The following TXLNB variants were observed in gnomAD, a reference collection of about 807,000 sequenced individuals.
TXLNB encodes taxilin beta, also known as beta-taxilin.
In TXLNB, 37 loss-of-function variants were observed where a neutral mutation model predicts 57.4. That is an observed-to-expected ratio of 0.64 (90% CI 0.50 to 0.85). The LOEUF (loss-of-function observed/expected upper bound fraction) is 0.85, where lower values mean the gene tolerates loss of function less well. TXLNB is among the 40% of genes least tolerant of loss of function. TXLNB has a pLI of 0.00. For missense variants in TXLNB, 848 were observed against 825.6 expected, an observed-to-expected ratio of 1.03 and a Z score of -0.33; for synonymous variants, 302 against 309.6, an observed-to-expected ratio of 0.98 and a Z score of 0.26.
the TXLNB span, among the ~76,000 whole-genome samples, chr6:139,165,801 CAG>C: frequency 1.4e-5 from 1 of 71,548 alleles, no homozygotes; most frequent in Non-Finnish European, 2.7e-5. Context: ...GCTGTTTGCA[CAG>C]TGTGGGACAT....
Position 139,241,903 on chromosome 6 carries a change from T to G in TXLNB, c.*623A>C, listed in dbSNP as rs1775942772. 2.0e-5 allele frequency: 3 copies of G among 152,294 alleles called. No homozygotes were observed. Among genetic ancestry groups the G allele is most frequent in the Middle Eastern group, 3.4e-3 (1 of 294 alleles). The allele number at this position is 152,294 out of a possible 1,614,324, so 9.4% of individuals were successfully genotyped here. ...GCAAGTAAGAGATCATTTTTTTGAT[T>G]AGCATCTAAATATTCTGCATTGAGA... On this transcript the variant is annotated 3_prime_UTR_variant, in exon 10 of 10. Coordinates refer to ENST00000358430, the MANE Select transcript of TXLNB (RefSeq NM_153235.4).
intron 2 of TXLNB, among the ~76,000 whole-genome samples, chr6:139,285,604 C>A (rs968174133): frequency 6.9e-6 from 1 of 144,862 alleles, no homozygotes; most frequent in East Asian, 2.0e-4. Context: ...TTAATTTTAT[C>A]CTAGTTGGGT....
At chr6:139,218,970 G>A in the TXLNB span, among the ~76,000 whole-genome samples, 1 of 152,072 alleles carries the variant, frequency 6.6e-6, no homozygotes, top group Non-Finnish European at 1.5e-5. Flanking sequence ...TTTGTCAATT[G>A]TGGAATACTG....
At chr6:139,310,236 G>A in the TXLNB span, among the ~76,000 whole-genome samples, 1 of 152,094 alleles carries the variant, frequency 6.6e-6, no homozygotes, top group African/African-American at 2.4e-5. Flanking sequence ...GTCTGATGAG[G>A]GCTTAATATC....
At chr6:139,190,378 C>T in the TXLNB span, among the ~76,000 whole-genome samples, 4 of 143,416 alleles carry the variant, frequency 2.8e-5, no homozygotes, top group Admixed American at 3.0e-4. Flanking sequence ...GGCACGATCT[C>T]AGCTCACTGT....
the TXLNB span, chr6:139,183,196 C>T: frequency 6.6e-6 from 1 of 152,166 alleles, no homozygotes; most frequent in African/African-American, 2.4e-5. Flanking sequence ...TAAGTAAGTT[C>T]ATATAGTTAA....
In TXLNB at chr6:139,285,257, AACACACACACACACACACACAC is replaced by A. The variant is rs57409101; in HGVS notation, c.424+3197_424+3218del. Among the ~76,000 whole-genome samples the A allele has an allele frequency of 9.2e-5, 11 of 120,074 alleles. 1 individual carries two copies. In the South Asian group the frequency reaches 1.3e-3, roughly 14 times the overall value. 78.8% of individuals were successfully genotyped at this position (120,074 alleles called of 152,430 possible). On this transcript the variant is annotated intron_variant, in intron 2 of 9. Transcript: ENST00000358430. ...CTATTTTCTTCATATCTTTCCCCTC[AACACACACACACACACACACAC>A]ACACACACACACACACACACACACA...
chr6:139,309,688 G>A, the TXLNB span, among the ~76,000 whole-genome samples: 14 of 152,154 alleles, frequency 9.2e-5, no homozygotes, highest in African/African-American at 3.4e-4. Flanking sequence ...ACTTTTGGAA[G>A]CCAAGGAGGG....
chr6:139,187,237 T>G, the TXLNB span, among the ~76,000 whole-genome samples: 1 of 152,230 alleles, frequency 6.6e-6, no homozygotes, highest in African/African-American at 2.4e-5. Flanking sequence ...CACTTTCATT[T>G]GACAGATTTG....
At chr6:139,192,840 G>A in the TXLNB span, among the ~76,000 whole-genome samples, 1 of 152,096 alleles carries the variant, frequency 6.6e-6, no homozygotes, top group East Asian at 1.9e-4. Context: ...GCACACGCCT[G>A]TATTCCCAGC....
At chr6:139,159,953 G>T in the TXLNB span, among the ~76,000 whole-genome samples, 1 of 152,196 alleles carries the variant, frequency 6.6e-6, no homozygotes, top group Non-Finnish European at 1.5e-5. Flanking sequence ...CTCAGTGAAT[G>T]AGGTTGTCAG....
intron 2 of TXLNB, chr6:139,277,166 A>G (rs977860294): frequency 2.7e-6 from 1 of 375,446 alleles, no homozygotes; most frequent in Middle Eastern, 6.9e-4. Context: ...AATGTTTGCT[A>G]TAACAGAAGT....
At chr6:139,301,794 C>T in the TXLNB span, among the ~76,000 whole-genome samples, 1 of 152,116 alleles carries the variant, frequency 6.6e-6, no homozygotes, top group Admixed American at 6.5e-5. Flanking sequence ...CCCCCCTGAC[C>T]ATAGTACATA....
chr6:139,199,397 C>G, the TXLNB span, among the ~76,000 whole-genome samples: 18,942 of 152,196 alleles, frequency 0.12, 1,458 homozygotes, highest in East Asian at 0.22. Context: ...TGTTATTGAA[C>G]ATTTCTTGAG....
the TXLNB span, among the ~76,000 whole-genome samples, chr6:139,218,680 A>T: frequency 6.6e-6 from 1 of 152,110 alleles, no homozygotes; most frequent in South Asian, 2.1e-4. Context: ...TGAACCTGGG[A>T]GGTGGAGGTT....
chr6:139,310,997 T>C, the TXLNB span, among the ~76,000 whole-genome samples: 5,694 of 152,302 alleles, frequency 0.037, 365 homozygotes, highest in African/African-American at 0.13. Context: ...GCCCAGCCCA[T>C]TCTGTTTCAA....
At chr6:139,247,527 GTCT>G (rs1393335846) in intron 8 of TXLNB, among the ~76,000 whole-genome samples, 7 of 139,134 alleles carry the variant, frequency 5.0e-5, no homozygotes, top group East Asian at 4.2e-4. Context: ...GCTAGCTCTG[GTCT>G]TCTTTTTTTT....
At chr6:139,176,943 C>G in the TXLNB span, 1 of 870,168 alleles carries the variant, frequency 1.1e-6, no homozygotes, top group Non-Finnish European at 2.0e-6. The surrounding 1 kb of genome is among the most constrained non-coding windows in gnomAD (Gnocchi z 4.5). Context: ...TCCCCCAGGC[C>G]CGCCTGAACT....
rs368528629 is a variant in TXLNB at position 139,242,675 on chromosome 6, C to A, written c.1906G>T (p.Ala636Ser). Residue 636 changes from alanine to serine, a missense_variant, in exon 10 of 10, where the codon GCA becomes TCA. By Grantham distance (99) the Ala-to-Ser change is moderately conservative. Coordinates refer to ENST00000358430, the MANE Select transcript of TXLNB (RefSeq NM_153235.4). ...MEADVPAPACAAEEHVAAMVP... is the reference protein window; with the variant it reads ...MEADVPAPACSAEEHVAAMVP... ...ATGGCTGCAACGTGCTCTTCTGCTG[C>A]GCATGCTGGAGCAGGCACATCTGCC... 6.2e-7 allele frequency: 1 copy of A among 1,611,202 alleles called. No individual in the cohort carries two copies. The highest frequency in any genetic ancestry group is 1.3e-5 in the African/African-American group (1 of 74,766).
Sources: gnomAD v4.1 joint callset for allele counts (sites outside exome capture counted in the v4.1 genomes callset) on GRCh38, gnomAD v4.1.1 for gene constraint, Gnocchi (gnomAD v3.1) non-coding constraint, MANE v1.5 for transcripts, NCBI Gene and HGNC (gene_info 2026-07-23, HGNC 2026-07-21) for gene names.